The following ADIPOR2 variants were observed in gnomAD, a reference collection of about 807,000 sequenced individuals.
The protein encoded by ADIPOR2 is adiponectin receptor 2.
In ADIPOR2, 18 loss-of-function variants were observed where a neutral mutation model predicts 40.9. That is an observed-to-expected ratio of 0.44 (90% CI 0.30 to 0.65). The LOEUF (loss-of-function observed/expected upper bound fraction) is 0.65, where lower values mean the gene tolerates loss of function less well. ADIPOR2 is among the 30% of genes least tolerant of loss of function. ADIPOR2 has a pLI of 0.09. For synonymous variants in ADIPOR2, 165 were observed against 166.4 expected (o/e 0.99, Z 0.06); for missense variants, 283 against 479.2 (o/e 0.59, Z 3.82).
intron 1 of ADIPOR2, among the ~76,000 whole-genome samples, chr12:1,716,897 G>C (rs570485736): frequency 1.3e-5 from 2 of 152,256 alleles, no homozygotes; most frequent in South Asian, 4.1e-4. Context: ...AATGGGAGAT[G>C]GCTGGAATAT....
intron 1 of ADIPOR2, among the ~76,000 whole-genome samples, chr12:1,708,795 C>T (rs1400601457): frequency 6.6e-6 from 1 of 151,802 alleles, no homozygotes; most frequent in Non-Finnish European, 1.5e-5. Flanking sequence ...TCTTGGGTCA[C>T]TGCAACATCC....
intron 3 of ADIPOR2, among the ~76,000 whole-genome samples, chr12:1,773,628 C>T (rs1262067332): frequency 4.6e-5 from 7 of 151,056 alleles, no homozygotes; most frequent in Non-Finnish European, 1.0e-4. Context: ...TCAATAAGGG[C>T]CCTGGCAGGT....
chr12:1,757,470 A>G (rs1021116366), intron 2 of ADIPOR2: 14 of 728,574 alleles, frequency 1.9e-5, no homozygotes, highest in Admixed American at 5.6e-5. Flanking sequence ...GTTAGCACCT[A>G]CAGTCACCAT....
At chr12:1,781,111 A>G in intron 6 of ADIPOR2, 35 bp downstream of exon 6, 1 of 1,503,776 alleles carries the variant, frequency 6.6e-7, no homozygotes, top group African/African-American at 1.4e-5. Context: ...TTCGACATTC[A>G]TTTATTCACT....
chr12:1,739,374 C>T (rs2094737847), intron 1 of ADIPOR2, among the ~76,000 whole-genome samples: 1 of 152,170 alleles, frequency 6.6e-6, no homozygotes, highest in Non-Finnish European at 1.5e-5. Context: ...CTTGAGATTT[C>T]CCTCTCTGAA....
At chr12:1,767,533 A>T (rs140014190) in intron 2 of ADIPOR2, among the ~76,000 whole-genome samples, 90 of 151,714 alleles carry the variant, frequency 5.9e-4, no homozygotes, top group African/African-American at 1.9e-3. Flanking sequence ...CTTTGTTTTC[A>T]TTTGTTAGTA....
chr12:1,736,338 G>A (rs1270747713), intron 1 of ADIPOR2, among the ~76,000 whole-genome samples: 1 of 152,102 alleles, frequency 6.6e-6, no homozygotes, highest in Non-Finnish European at 1.5e-5. Flanking sequence ...TGTATGTGTC[G>A]AGGAATTTAT....
chr12:1,722,894 C>A (rs2094700592), intron 1 of ADIPOR2, among the ~76,000 whole-genome samples: 1 of 152,116 alleles, frequency 6.6e-6, no homozygotes, highest in Non-Finnish European at 1.5e-5. Flanking sequence ...ACTGTAGATG[C>A]AGAGTATTTT....
chr12:1,715,986 C>T (rs186967082), intron 1 of ADIPOR2, among the ~76,000 whole-genome samples: 18 of 152,010 alleles, frequency 1.2e-4, no homozygotes, highest in South Asian at 2.1e-4. Context: ...CCTTCCACAC[C>T]GTAGAAGCTT....
chr12:1,764,775 C>T (rs1260428033), intron 2 of ADIPOR2, among the ~76,000 whole-genome samples: 1 of 152,096 alleles, frequency 6.6e-6, no homozygotes, highest in East Asian at 1.9e-4. Context: ...TATACTTTAT[C>T]TCATTGTAAT....
chr12:1,700,367 G>C (rs2094647806), intron 1 of ADIPOR2, among the ~76,000 whole-genome samples: 2 of 152,098 alleles, frequency 1.3e-5, no homozygotes, highest in Non-Finnish European at 2.9e-5. Flanking sequence ...CATTCCTTTG[G>C]TTAAGGAGGA....
At chr12:1,721,374 C>A (rs2094697679) in intron 1 of ADIPOR2, among the ~76,000 whole-genome samples, 1 of 152,000 alleles carries the variant, frequency 6.6e-6, no homozygotes, top group Non-Finnish European at 1.5e-5. Flanking sequence ...TGCCACCACA[C>A]CTGGCTAATT....
chr12:1,757,461 T>A, intron 2 of ADIPOR2: 1 of 725,886 alleles, frequency 1.4e-6, no homozygotes, highest in East Asian at 2.5e-5. Flanking sequence ...TCTTCCCAGG[T>A]TAGCACCTAC....
At chr12:1,785,816 G>C in intron 7 of ADIPOR2, 128 bp from the exon 8 acceptor site, 1 of 1,255,442 alleles carries the variant, frequency 8.0e-7, no homozygotes, top group African/African-American at 1.5e-5. Context: ...CCTTGAATTT[G>C]AGCTCTGTCA....
At chr12:1,772,216 G>A (rs1319991057) in intron 2 of ADIPOR2, among the ~76,000 whole-genome samples, 1 of 152,198 alleles carries the variant, frequency 6.6e-6, no homozygotes, top group Non-Finnish European at 1.5e-5. Flanking sequence ...TGGAAAGGCA[G>A]TGGGTTTTGG....
intron 4 of ADIPOR2, among the ~76,000 whole-genome samples, chr12:1,779,906 T>A (rs775825216): frequency 6.6e-6 from 1 of 152,194 alleles, no homozygotes; most frequent in Non-Finnish European, 1.5e-5. Context: ...GGTTAGGAAA[T>A]GGCCTGAGTA....
intron 2 of ADIPOR2, 99 bp downstream of exon 2, chr12:1,754,613 G>C (rs895002262): frequency 3.0e-4 from 359 of 1,201,652 alleles, no homozygotes; most frequent in Non-Finnish European, 3.6e-4. Flanking sequence ...ATTGCTGGAG[G>C]GAGGATGGGG....
intron 1 of ADIPOR2, among the ~76,000 whole-genome samples, chr12:1,695,205 G>T (rs772256757): frequency 6.6e-6 from 1 of 151,942 alleles, no homozygotes; most frequent in Non-Finnish European, 1.5e-5. Context: ...ACAAAAATGG[G>T]ATCAAGCCCA....
intron 3 of ADIPOR2, 138 bp downstream of exon 3, chr12:1,773,099 C>T: frequency 9.3e-7 from 1 of 1,079,168 alleles, no homozygotes; most frequent in Non-Finnish European, 1.3e-6. Context: ...CAGAAGTGGT[C>T]TTGGGACTCT....
Sources: allele counts gnomAD v4.1 joint callset (sites outside exome capture counted in the v4.1 genomes callset), GRCh38; gene constraint gnomAD v4.1.1; transcripts MANE v1.5; gene names NCBI Gene and HGNC (gene_info 2026-07-23, HGNC 2026-07-21).